The following GAPVD1 variants were observed in gnomAD, a reference collection of about 807,000 sequenced individuals.
GAPVD1 encodes GTPase-activating protein and VPS9 domain-containing protein 1.
Under a neutral mutation model 155.5 loss-of-function variants are expected in GAPVD1, and 35 were observed. The ratio of observed to expected loss-of-function variants is 0.23; its 90% CI spans 0.17 to 0.30. GAPVD1 has a LOEUF of 0.30. Among genes scored for constraint, GAPVD1 ranks in the 10% least tolerant of loss-of-function variants. The probability of loss-of-function intolerance (pLI) is 1.00; values close to 1 mark genes in which losing one functional copy is unlikely to be tolerated. For missense variants in GAPVD1, 1,429 were observed against 1,775.7 expected (o/e 0.80, Z 3.51); for synonymous variants, 636 against 619.7 (o/e 1.03, Z -0.39).
intron 1 of GAPVD1, 56 bp from the exon 2 acceptor site, chr9:125,268,880 C>T (rs1319409757): frequency 2.0e-5 from 3 of 151,872 alleles, no homozygotes; most frequent in Non-Finnish European, 2.9e-5. Context: ...AGGTACATTC[C>T]AGTGATAAGA....
chr9:125,321,589 T>A (rs1844340901), intron 10 of GAPVD1, 27 bp downstream of exon 10: 2 of 1,597,926 alleles, frequency 1.3e-6, no homozygotes, highest in East Asian at 4.5e-5. Context: ...TTCAAGGAGT[T>A]GTGTGGTTCA....
Position 125,337,466 on chromosome 9 carries a change from T to C in GAPVD1, c.2752T>C (p.Trp918Arg), listed in dbSNP as rs1230330726. ...SVRRPMSDPS[W>R]NRRPGNEERE... is the part of the protein sequence containing the mutation. Reference sequence around the variant, plus strand: ...CCGGAGACCCATGAGTGACCCCAGCTGGAACCGGCGTCCAGGAAATGAAGA... The same window carrying C: ...CCGGAGACCCATGAGTGACCCCAGCCGGAACCGGCGTCCAGGAAATGAAGA... Residue 918 changes from tryptophan (W) to arginine (R), a missense_variant, in exon 17 of 28, where the codon TGG becomes CGG. Trp to Arg is a moderately radical substitution (Grantham distance 101). Coordinates refer to ENST00000297933, the MANE Select transcript of GAPVD1 (RefSeq NM_001282680.3). 1.9e-6 allele frequency: 3 copies of C among 1,614,206 alleles called. No homozygotes were observed. Among genetic ancestry groups the C allele is most frequent in the Non-Finnish European group, 1.7e-6 (2 of 1,180,030 alleles).
intron 15 of GAPVD1, among the ~76,000 whole-genome samples, chr9:125,334,388 A>G (rs1393769714): frequency 6.6e-6 from 1 of 152,204 alleles, no homozygotes; most frequent in Non-Finnish European, 1.5e-5. Context: ...GTGTGAAGAA[A>G]TAGGAAGCAC....
chr9:125,266,640 T>G (rs1014580786), intron 1 of GAPVD1, among the ~76,000 whole-genome samples: 1 of 152,106 alleles, frequency 6.6e-6, no homozygotes, highest in Non-Finnish European at 1.5e-5. Context: ...TTTGAGGATA[T>G]CTATACTTTT....
chr9:125,317,625 CAAAAAAAAA>C (rs1204830778), intron 9 of GAPVD1, among the ~76,000 whole-genome samples: 2 of 55,980 alleles, frequency 3.6e-5, no homozygotes, highest in Non-Finnish European at 7.7e-5. Flanking sequence ...AACTCTGTCT[CAAAAAAAAA>C]AAAAAAAAGA....
chr9:125,312,347 C>T (rs756437056), intron 8 of GAPVD1, 105 bp from the exon 9 acceptor site: 45 of 690,526 alleles, frequency 6.5e-5, no homozygotes, highest in Non-Finnish European at 9.9e-5. Flanking sequence ...CACTCTTGTG[C>T]ATGTGCAAAT....
intron 2 of GAPVD1, among the ~76,000 whole-genome samples, chr9:125,292,974 C>G (rs1838848057): frequency 6.6e-6 from 1 of 152,086 alleles, no homozygotes; most frequent in South Asian, 2.1e-4. Flanking sequence ...TTGGAAATAC[C>G]AATCTGACAG....
intron 25 of GAPVD1, among the ~76,000 whole-genome samples, chr9:125,357,607 T>G (rs530296074): frequency 6.6e-6 from 1 of 151,870 alleles, no homozygotes; most frequent in South Asian, 2.1e-4. Flanking sequence ...GAATGAACAG[T>G]TAAGTATTTG....
intron 2 of GAPVD1, among the ~76,000 whole-genome samples, chr9:125,276,464 G>A (rs959471293): frequency 3.3e-5 from 5 of 152,054 alleles, no homozygotes; most frequent in Non-Finnish European, 5.9e-5. Flanking sequence ...TTACACAGGC[G>A]GATCACTTGA....
intron 2 of GAPVD1, among the ~76,000 whole-genome samples, chr9:125,286,092 G>A (rs571563458): frequency 6.6e-6 from 1 of 151,468 alleles, no homozygotes; most frequent in Non-Finnish European, 1.5e-5. Context: ...ATAGATGTGA[G>A]CCACTTCACC....
chr9:125,336,878 AT>A (rs967215953), intron 15 of GAPVD1, 139 bp from the exon 16 acceptor site: 273 of 553,040 alleles, frequency 4.9e-4, no homozygotes, highest in South Asian at 9.1e-4. Flanking sequence ...TCATAATTTG[AT>A]TTTTTTTTTC....
chr9:125,348,522 G>T (rs1259538660), intron 20 of GAPVD1, among the ~76,000 whole-genome samples: 2 of 151,798 alleles, frequency 1.3e-5, no homozygotes, highest in African/African-American at 2.4e-5. Flanking sequence ...TGTGTGTGTG[G>T]TTTTTTTCGA....
At chr9:125,323,956 G>T (rs1240936269) in intron 11 of GAPVD1, 33 bp downstream of exon 11, 1 of 1,599,988 alleles carries the variant, frequency 6.3e-7, no homozygotes, top group Non-Finnish European at 8.5e-7. Context: ...TGCCTAAGTA[G>T]CAAAGAATTT....
chr9:125,328,823 C>CG lies in GAPVD1; in HGVS notation c.2033-1255_2033-1254insG, dbSNP rs1340015450. 1.0e-3 allele frequency among the ~76,000 whole-genome samples: 110 copies of CG among 109,778 alleles called. 1 individual carries two copies. The highest frequency in any genetic ancestry group is 4.2e-3 in the African/African-American group (85 of 20,046). The allele number at this position is 109,778 out of a possible 152,430, so 72.0% of individuals were successfully genotyped here. A position where few individuals can be genotyped will look rare whatever the true frequency, so the allele number is the denominator to read the frequency against. ...CTCCCGGACGAGGCGGCTGGCCGGG[C>CG]AGGGGGCTGACCCCCCCCCCACCTC... On this transcript the variant is annotated intron_variant, in intron 12 of 27. Coordinates refer to ENST00000297933, the MANE Select transcript of GAPVD1 (RefSeq NM_001282680.3).
chr9:125,366,131 T>G lies in GAPVD1; in HGVS notation c.*3385T>G, dbSNP rs1851458091. ...CAGGTTTTCTAAGGGATTGCAAATG[T>G]GCTGCATGGTTTTTCTATTCCTATG... On this transcript the variant is annotated 3_prime_UTR_variant, in exon 28 of 28. Coordinates refer to ENST00000297933, the MANE Select transcript of GAPVD1 (RefSeq NM_001282680.3). The G allele has an allele frequency of 6.6e-6, 1 of 152,238 alleles. No homozygotes were observed. Among genetic ancestry groups the G allele is most frequent in the African/African-American group, 2.4e-5 (1 of 41,466 alleles). The allele number at this position is 152,238 out of a possible 1,614,324, so 9.4% of individuals were successfully genotyped here.
Position 125,350,881 on chromosome 9 carries a change from C to T in GAPVD1, c.3569+9C>T. ...ATTGCTGAGGACTACAGGTAATATA[C>T]CCCACCTGTTCAGCTTTTAAACCTA... On this transcript the variant is annotated intron_variant, in intron 23 of 27. Coordinates refer to ENST00000297933, the MANE Select transcript of GAPVD1 (RefSeq NM_001282680.3). 1.3e-6 allele frequency: 2 copies of T among 1,596,564 alleles called. No homozygotes were observed. The highest frequency in any genetic ancestry group is 1.7e-6 in the Non-Finnish European group (2 of 1,170,590).
At chr9:125,313,502 A>G (rs1385138441) in intron 9 of GAPVD1, among the ~76,000 whole-genome samples, 2 of 151,676 alleles carry the variant, frequency 1.3e-5, no homozygotes, top group African/African-American at 4.8e-5. Context: ...AAGGGGTTCC[A>G]CCGTGTTAGC....
intron 21 of GAPVD1, among the ~76,000 whole-genome samples, chr9:125,349,803 A>T (rs1849050770): frequency 6.6e-6 from 1 of 152,080 alleles, no homozygotes. Flanking sequence ...GTTGGAGACC[A>T]GCTTGGGCAA....
intron 9 of GAPVD1, among the ~76,000 whole-genome samples, chr9:125,317,007 G>T (rs1428462267): frequency 6.6e-6 from 1 of 152,110 alleles, no homozygotes; most frequent in African/African-American, 2.4e-5. Flanking sequence ...CCCTTTCACA[G>T]GAAAAAAGTT....
Sources: gnomAD v4.1 joint callset for allele counts (sites outside exome capture counted in the v4.1 genomes callset) on GRCh38, gnomAD v4.1.1 for gene constraint, MANE v1.5 for transcripts, NCBI Gene and HGNC (gene_info 2026-07-23, HGNC 2026-07-21) for gene names.